Variants in ALOX5AP observed in about 807,000 individuals in gnomAD.
ALOX5AP encodes the protein arachidonate 5-lipoxygenase activating protein.
ALOX5AP carries 9 observed loss-of-function variants against 18.5 expected under a neutral mutation model. The observed-to-expected ratio is 0.49, with a 90% CI of 0.29 to 0.85. The LOEUF (loss-of-function observed/expected upper bound fraction) is 0.85, where lower values mean the gene tolerates loss of function less well. ALOX5AP is among the 40% of genes least tolerant of loss of function. The pLI is 0.08. For missense variants in ALOX5AP, 172 were observed against 202.5 expected (o/e 0.85, Z 0.91); for synonymous variants, 81 against 78.6 (o/e 1.03, Z -0.16).
chr13:30,764,318 T>G lies in ALOX5AP; in HGVS notation c.*212T>G. The G allele has an allele frequency of 2.0e-6, 1 of 500,356 alleles. No individual in the cohort carries two copies. The allele number at this position is 500,356 out of a possible 1,614,324, so 31.0% of individuals were successfully genotyped here. A position where few individuals can be genotyped will look rare whatever the true frequency, so the allele number is the denominator to read the frequency against. On this transcript the variant is annotated 3_prime_UTR_variant, in exon 5 of 5. Coordinates refer to ENST00000380490, the MANE Select transcript of ALOX5AP (RefSeq NM_001629.4). ...AACATGACCGTGGCCCCAAATTTGC[T>G]ATTCCCATGCATTTTGTTTGTTTCT...
intron 4 of ALOX5AP, 135 bp from the exon 5 acceptor site, chr13:30,763,809 G>T: frequency 1.2e-6 from 1 of 812,262 alleles, no homozygotes; most frequent in Non-Finnish European, 2.0e-6. Context: ...TGAAGTAAAT[G>T]GGAAAATGGA....
At position 30,749,272 on chromosome 13, in the gene ALOX5AP, C is replaced by T. The variant is rs948567645; in HGVS notation, c.171-2780C>T. 5.3e-5 allele frequency among the ~76,000 whole-genome samples: 8 copies of T among 152,200 alleles called. No individual in the cohort carries two copies. The South Asian group carries it at 1.0e-3, about 20-fold the overall frequency. On this transcript the variant is annotated intron_variant, in intron 2 of 4. Transcript: ENST00000380490. Reference sequence around the variant, plus strand: ...CCCTTAGACAATTAAGAATTTTTTTCCTTTTGCATAACCCAGACAAAATCG... The same window carrying T: ...CCCTTAGACAATTAAGAATTTTTTTTCTTTTGCATAACCCAGACAAAATCG...
intron 2 of ALOX5AP, 97 bp from the exon 3 acceptor site, chr13:30,751,955 G>A (rs1431650059): frequency 3.4e-6 from 4 of 1,167,200 alleles, no homozygotes; most frequent in Admixed American, 1.8e-5. Context: ...TTTCATGCAC[G>A]ATGGTGATTA....
intron 2 of ALOX5AP, among the ~76,000 whole-genome samples, chr13:30,748,154 G>A (rs1424118532): frequency 5.3e-5 from 8 of 151,984 alleles, no homozygotes; most frequent in African/African-American, 1.9e-4. Flanking sequence ...CCTTACCTCA[G>A]GTGATCTGCC....
intron 1 of ALOX5AP, among the ~76,000 whole-genome samples, chr13:30,719,229 A>G (rs546013642): frequency 6.6e-6 from 1 of 152,354 alleles, no homozygotes; most frequent in South Asian, 2.1e-4. Flanking sequence ...TATAATAGAC[A>G]TAAAGTGCTG....
At chr13:30,755,860 G>A in intron 3 of ALOX5AP, 84 bp from the exon 4 acceptor site, 1 of 1,327,866 alleles carries the variant, frequency 7.5e-7, no homozygotes, top group South Asian at 1.2e-5. Context: ...TAGATTTTGT[G>A]ACCAATGTTG....
chr13:30,723,061 A>C (rs1944444878), intron 1 of ALOX5AP, among the ~76,000 whole-genome samples: 1 of 152,224 alleles, frequency 6.6e-6, no homozygotes, highest in East Asian at 1.9e-4. Context: ...GGACTAAGAC[A>C]GTTTCTAATG....
chr13:30,761,965 T>C (rs1225293906), intron 4 of ALOX5AP, among the ~76,000 whole-genome samples: 1 of 152,202 alleles, frequency 6.6e-6, no homozygotes, highest in Non-Finnish European at 1.5e-5. Context: ...CAACACCCTC[T>C]TTTGGGATGT....
At chr13:30,741,103 CTTTTTTTTTTTTTTTT>C (rs59980433) in intron 1 of ALOX5AP, among the ~76,000 whole-genome samples, 48 of 64,008 alleles carry the variant, frequency 7.5e-4, no homozygotes, top group African/African-American at 2.3e-3. Flanking sequence ...CCTCCATATC[CTTTTTTTTTTTTTTTT>C]TTTTTTTTTT....
intron 2 of ALOX5AP, 82 bp from the exon 3 acceptor site, chr13:30,751,970 C>T: frequency 7.6e-7 from 1 of 1,318,176 alleles, no homozygotes; most frequent in Non-Finnish European, 1.1e-6. Flanking sequence ...TGATTATTAA[C>T]TTCAACTTTC....
intron 1 of ALOX5AP, among the ~76,000 whole-genome samples, chr13:30,717,132 A>G (rs1285981088): frequency 6.6e-6 from 1 of 152,188 alleles, no homozygotes; most frequent in Non-Finnish European, 1.5e-5. Flanking sequence ...CCATGACCCA[A>G]TGTCCCCGGG....
chr13:30,714,363 A>C (rs559240701), intron 1 of ALOX5AP, among the ~76,000 whole-genome samples: 1 of 152,044 alleles, frequency 6.6e-6, no homozygotes, highest in Non-Finnish European at 1.5e-5. Context: ...CCTCACTGAG[A>C]GGGTTTCCCA....
intron 2 of ALOX5AP, among the ~76,000 whole-genome samples, chr13:30,747,094 C>T (rs544678944): frequency 6.6e-6 from 1 of 152,362 alleles, no homozygotes; most frequent in African/African-American, 2.4e-5. Context: ...CCACCCATCT[C>T]CCATGAGGGC....
At chr13:30,732,929 G>C (rs1951692908), upstream of ALOX5AP, among the ~76,000 whole-genome samples, 1 of 152,058 alleles carries the variant, frequency 6.6e-6, no homozygotes, top group African/African-American at 2.4e-5. Flanking sequence ...GCCGAGGCGG[G>C]CAGATCACGA....
At chr13:30,716,409 G>T (rs183498853) in intron 1 of ALOX5AP, among the ~76,000 whole-genome samples, 200 of 152,320 alleles carry the variant, frequency 1.3e-3, no homozygotes, top group East Asian at 1.2e-3. Context: ...GTGCTCCAAG[G>T]AGCTGTTGTA....
At chr13:30,751,976 C>A in intron 2 of ALOX5AP, 76 bp from the exon 3 acceptor site, 2 of 1,368,012 alleles carry the variant, frequency 1.5e-6, no homozygotes, top group Non-Finnish European at 2.1e-6. Context: ...TTAACTTCAA[C>A]TTTCAGGTAA....
At position 30,737,280 on chromosome 13, in the gene ALOX5AP, T is replaced by C. The variant is rs1951729100; in HGVS notation, c.70+1605T>C. Among the ~76,000 whole-genome samples the C allele has an allele frequency of 2.0e-5, 3 of 152,236 alleles. No individual in the cohort carries two copies. The South Asian group carries it at 6.2e-4, about 31-fold the overall frequency. On this transcript the variant is annotated intron_variant, in intron 1 of 4. Coordinates refer to ENST00000380490, the MANE Select transcript of ALOX5AP (RefSeq NM_001629.4). The stretch of plus-strand genomic sequence containing the variant: ...AACTGTGGGAAGCTTCAGAGCTCTC[T>C]GTTTCAAGGACAGGTTCTCCTCACC...
intron 1 of ALOX5AP, among the ~76,000 whole-genome samples, chr13:30,714,582 AGGTGGGAGGTGGGG>A (rs1951535064): frequency 9.0e-5 from 1 of 11,164 alleles, no homozygotes; most frequent in Non-Finnish European, 1.7e-4. Flanking sequence ...TGGAGGTGGG[AGGTGGGAGGTGGGG>A]GGTGGGGGGT....
At chr13:30,763,505 C>T (rs1167855055) in intron 4 of ALOX5AP, among the ~76,000 whole-genome samples, 1 of 152,218 alleles carries the variant, frequency 6.6e-6, no homozygotes, top group African/African-American at 2.4e-5. Flanking sequence ...GTTTTATCGG[C>T]TCATTTAAAC....
Sources: allele counts gnomAD v4.1 joint callset (sites outside exome capture counted in the v4.1 genomes callset), GRCh38; gene constraint gnomAD v4.1.1; transcripts MANE v1.5; gene names NCBI Gene and HGNC (gene_info 2026-07-23, HGNC 2026-07-21).